The following WWOX variants were observed in gnomAD, a reference collection of about 807,000 sequenced individuals.
The protein encoded by WWOX is WW domain containing oxidoreductase.
WWOX carries 69 observed loss-of-function variants against 46.2 expected under a neutral mutation model. The ratio of observed to expected loss-of-function variants is 1.49; its 90% CI spans 1.23 to 1.82. The LOEUF is 1.82. Among genes scored for constraint, WWOX ranks in the 40% most tolerant of loss-of-function variants. WWOX has a pLI of 0.00. For missense variants in WWOX, 919 were observed against 542.6 expected, an observed-to-expected ratio of 1.69 and a Z score of -6.89; for synonymous variants, 359 against 202.6, an observed-to-expected ratio of 1.77 and a Z score of -6.56.
At chr16:78,189,520 C>T (rs2035815100) in intron 5 of WWOX, among the ~76,000 whole-genome samples, 1 of 152,198 alleles carries the variant, frequency 6.6e-6, no homozygotes, top group Non-Finnish European at 1.5e-5. Context: ...TGAAACCACA[C>T]AGAGGGCATA....
chr16:78,132,797 C>A (rs898053625), intron 4 of WWOX, among the ~76,000 whole-genome samples: 13 of 152,188 alleles, frequency 8.5e-5, no homozygotes, highest in African/African-American at 3.1e-4. Flanking sequence ...TGTAGCTGAG[C>A]TCTGCTAATG....
chr16:78,873,520 T>G (rs970207642), intron 8 of WWOX: 8 of 152,242 alleles, frequency 5.3e-5, no homozygotes, highest in African/African-American at 1.9e-4. Flanking sequence ...GCACAGTGGC[T>G]TATACCTTGT....
At chr16:78,445,801 C>A (rs1177653521) in intron 8 of WWOX, among the ~76,000 whole-genome samples, 6 of 151,422 alleles carry the variant, frequency 4.0e-5, no homozygotes, top group African/African-American at 1.2e-4. Context: ...TCACTTGAAC[C>A]CAGGAGGTGG....
chr16:79,065,328 C>T (rs565820243), intron 8 of WWOX, among the ~76,000 whole-genome samples: 12 of 152,226 alleles, frequency 7.9e-5, no homozygotes, highest in African/African-American at 2.6e-4. Context: ...TTTATTATTA[C>T]CCAAATCAGC....
At chr16:78,128,621 A>G (rs572887123) in intron 4 of WWOX, among the ~76,000 whole-genome samples, 220 of 152,324 alleles carry the variant, frequency 1.4e-3, no homozygotes, top group African/African-American at 5.1e-3. Flanking sequence ...CATCAACAGA[A>G]TTGCTGGCCA....
chr16:79,166,577 G>A (rs963210181), intron 8 of WWOX, among the ~76,000 whole-genome samples: 1 of 152,082 alleles, frequency 6.6e-6, no homozygotes, highest in Non-Finnish European at 1.5e-5. Flanking sequence ...CAATTGAATT[G>A]ACTATGTCAG....
Position 78,644,339 on chromosome 16 carries a change from A to G in WWOX, c.1056+211587A>G, listed in dbSNP as rs536822217. On this transcript the variant is annotated intron_variant, in intron 8 of 8. Coordinates refer to ENST00000566780, the MANE Select transcript of WWOX (RefSeq NM_016373.4). ...ACAGATGGACAGACACCTACCCCAT[A>G]TGTCACCTCCCTCCTCTATGCAAAC... is the stretch of plus-strand genomic sequence containing the variant. Among the ~76,000 whole-genome samples, 47 of 152,216 alleles carry G rather than the reference A, an allele frequency of 3.1e-4. 1 individual carries two copies. Among genetic ancestry groups the G allele is most frequent in the Non-Finnish European group, 6.0e-4 (41 of 68,002 alleles).
intron 8 of WWOX, among the ~76,000 whole-genome samples, chr16:78,758,247 T>A (rs1347102849): frequency 2.6e-5 from 4 of 152,206 alleles, no homozygotes; most frequent in Admixed American, 2.0e-4. Context: ...AGTAATTCCA[T>A]GTAGCTATTA....
chr16:78,606,718 GTTTTTTTTT>G (rs59612285), intron 8 of WWOX, among the ~76,000 whole-genome samples: 4 of 121,066 alleles, frequency 3.3e-5, no homozygotes, highest in East Asian at 2.4e-4. Flanking sequence ...CAGAATTGCA[GTTTTTTTTT>G]TTTTTTTTTT....
chr16:78,422,977 C>G (rs1407596054), intron 6 of WWOX, among the ~76,000 whole-genome samples: 3 of 151,424 alleles, frequency 2.0e-5, no homozygotes, highest in African/African-American at 7.3e-5. Context: ...CCTCTGCCTC[C>G]TGGGTTCAAG....
At chr16:78,461,532 C>T (rs936933679) in intron 8 of WWOX, among the ~76,000 whole-genome samples, 1 of 152,184 alleles carries the variant, frequency 6.6e-6, no homozygotes, top group Non-Finnish European at 1.5e-5. Context: ...CAAACAGATC[C>T]TTTCGCAAGG....
intron 8 of WWOX, among the ~76,000 whole-genome samples, chr16:78,855,032 A>G (rs2052535137): frequency 6.6e-6 from 1 of 152,144 alleles, no homozygotes. Flanking sequence ...TTCATCATAA[A>G]TAAGTCAGGA....
intron 8 of WWOX, among the ~76,000 whole-genome samples, chr16:79,201,220 C>G (rs929791456): frequency 6.6e-6 from 1 of 152,154 alleles, no homozygotes; most frequent in East Asian, 1.9e-4. Context: ...CTGGATCTAT[C>G]TTCCTCCTGC....
intron 7 of WWOX, among the ~76,000 whole-genome samples, chr16:78,429,790 C>G (rs879832730): frequency 5.3e-5 from 8 of 152,144 alleles, no homozygotes; most frequent in Non-Finnish European, 8.8e-5. Context: ...GATATGATAG[C>G]TTTACTGTAA....
At chr16:78,673,281 C>T (rs11866867) in intron 8 of WWOX, among the ~76,000 whole-genome samples, 6,115 of 152,254 alleles carry the variant, frequency 0.04, 411 homozygotes, top group African/African-American at 0.14. Context: ...GCAGAATAAG[C>T]ACTAGCCTTA....
intron 6 of WWOX, among the ~76,000 whole-genome samples, chr16:78,422,844 TACACACACACACACACACAC>T (rs370327902): frequency 0.014 from 1,441 of 105,084 alleles, 172 homozygotes; most frequent in African/African-American, 0.064. Flanking sequence ...TATATACATA[TACACACACACACACACACAC>T]ACACACACAC....
At chr16:78,639,866 C>T (rs1012719391) in intron 8 of WWOX, among the ~76,000 whole-genome samples, 1 of 152,082 alleles carries the variant, frequency 6.6e-6, no homozygotes, top group South Asian at 2.1e-4. Context: ...ATGCTAGGCC[C>T]AGATTGGCTT....
rs117533890 is a variant in WWOX, at chr16:78,150,899, G to T, written c.410-13284G>T. On this transcript the variant is annotated intron_variant, in intron 4 of 8. Transcript: ENST00000566780. ...CAAAGGTTTTTGTTTTTTTAGACAG[G>T]GTCTCGCTCTGTCACCCACCCAGGC... Among the ~76,000 whole-genome samples, 44 of 151,786 alleles carry T rather than the reference G, an allele frequency of 2.9e-4. No homozygotes were observed. The East Asian group carries it at 7.6e-3, about 26-fold the overall frequency.
chr16:78,730,456 T>TTGG (rs1382627040), intron 8 of WWOX, among the ~76,000 whole-genome samples: 2 of 151,450 alleles, frequency 1.3e-5, no homozygotes, highest in Non-Finnish European at 2.9e-5. Context: ...AAATACATCT[T>TTGG]TTGTTTGTTT....
Sources: gnomAD v4.1 joint callset for allele counts (sites outside exome capture counted in the v4.1 genomes callset) on GRCh38, gnomAD v4.1.1 for gene constraint, MANE v1.5 for transcripts, NCBI Gene and HGNC (gene_info 2026-07-23, HGNC 2026-07-21) for gene names.